IGSF3: variants seen among roughly 807,000 people sequenced by gnomAD.
IGSF3 encodes immunoglobulin superfamily member 3.
IGSF3 carries 23 observed loss-of-function variants against 114.4 expected under a neutral mutation model. The observed-to-expected ratio is 0.20, with a 90% CI of 0.14 to 0.28. IGSF3 has a LOEUF of 0.28. Among genes scored for constraint, IGSF3 ranks in the 10% least tolerant of loss-of-function variants. The pLI is 1.00. For synonymous variants in IGSF3, 571 were observed against 645.2 expected, an observed-to-expected ratio of 0.88 and a Z score of 1.74; for missense variants, 1,172 against 1,591.5, an observed-to-expected ratio of 0.74 and a Z score of 4.48.
In IGSF3 at chr1:116,636,296, T is replaced by C. The variant is rs1339119720; in HGVS notation, c.44-19839A>G. On this transcript the variant is annotated intron_variant, in intron 2 of 10. Transcript: ENST00000369486. This position sits in a 1 kb window ranked among gnomAD's most constrained non-coding sequence, Gnocchi z 4.5. Reference sequence around the variant, plus strand: ...GGCTTGGTTTTCATGCACTCTGAGTTGGCCCTATCTCCCCTTTTTGGCCTC... The same window carrying C: ...GGCTTGGTTTTCATGCACTCTGAGTCGGCCCTATCTCCCCTTTTTGGCCTC... 2.0e-5 allele frequency among the ~76,000 whole-genome samples: 3 copies of C among 152,198 alleles called. No individual in the cohort carries two copies. Among genetic ancestry groups the C allele is most frequent in the African/African-American group, 7.2e-5 (3 of 41,462 alleles).
intron 9 of IGSF3, among the ~76,000 whole-genome samples, chr1:116,580,664 A>G (rs1250760141): frequency 6.6e-6 from 1 of 152,274 alleles, no homozygotes; most frequent in Non-Finnish European, 1.5e-5. Flanking sequence ...CCCTGACCTC[A>G]GACTTCCAGC....
At position 116,577,173 on chromosome 1, in the gene IGSF3, G is replaced by C. The variant is rs1050291220; in HGVS notation, c.*139C>G. 5.4e-6 allele frequency: 5 copies of C among 924,622 alleles called. No homozygotes were observed. In the African/African-American group the frequency reaches 8.4e-5, roughly 16 times the overall value. 57.3% of individuals were successfully genotyped at this position (924,622 alleles called of 1,614,324 possible). A position where few individuals can be genotyped will look rare whatever the true frequency, so the allele number is the denominator to read the frequency against. On this transcript the variant is annotated 3_prime_UTR_variant, in exon 11 of 11. Transcript: ENST00000369486. The surrounding 1 kb of genome is among the most constrained non-coding windows in gnomAD (Gnocchi z 5.7). ...GGCAGTCTGTCTCTGTGACTGACTG[G>C]GAACTTGGAACACTTTTCAAGTCTG... is the stretch of plus-strand genomic sequence containing the variant.
intron 7 of IGSF3, among the ~76,000 whole-genome samples, chr1:116,591,796 A>G (rs542867708): frequency 0.042 from 6,328 of 152,090 alleles, 378 homozygotes; most frequent in African/African-American, 0.15. Flanking sequence ...GGCGGTGTAC[A>G]GCTTGCGTGC....
intron 2 of IGSF3, among the ~76,000 whole-genome samples, chr1:116,643,335 G>C (rs974866503): frequency 6.6e-6 from 1 of 152,124 alleles, no homozygotes; most frequent in Non-Finnish European, 1.5e-5. Context: ...ACTGCCCCAG[G>C]GCTGGTATCC....
chr1:116,626,918 G>C (rs1158922175), intron 2 of IGSF3, among the ~76,000 whole-genome samples: 1 of 152,186 alleles, frequency 6.6e-6, no homozygotes, highest in African/African-American at 2.4e-5. Context: ...CACAGGAATA[G>C]ACACTTTTTT....
Position 116,666,651 on chromosome 1 carries a change from G to GA in IGSF3, c.-326dup, listed in dbSNP as rs780632163. ...AGTGGATTAATCCTCCAGAAGCACG[G>GA]AAAAAAGGGTCTGAGAAAATCCTTT... On this transcript the variant is annotated 5_prime_UTR_variant, in exon 2 of 11. The change abolishes the stop of an existing upstream ORF in the 5' untranslated region. Coordinates refer to ENST00000369486, the MANE Select transcript of IGSF3 (RefSeq NM_001007237.3). 1 of 558,838 alleles carries GA rather than the reference G, an allele frequency of 1.8e-6. No individual in the cohort carries two copies. Among genetic ancestry groups the GA allele is most frequent in the African/African-American group, 1.9e-5 (1 of 52,914 alleles). 34.6% of individuals were successfully genotyped at this position (558,838 alleles called of 1,614,324 possible).
Position 116,577,602 on chromosome 1 carries a change from A to AGAACCTG in IGSF3, c.3335-47_3335-41dup. On this transcript the variant is annotated intron_variant, in intron 10 of 10. Transcript: ENST00000369486. This position sits in a 1 kb window ranked among gnomAD's most constrained non-coding sequence, Gnocchi z 5.7. ...GAGAGAGACAAGACAATGAGGGCTG[A>AGAACCTG]GAACCTGGACTGCTCACATTTCCTT... is the stretch of plus-strand genomic sequence containing the variant. The AGAACCTG allele has an allele frequency of 6.2e-7, 1 of 1,605,102 alleles. No individual in the cohort carries two copies. The highest frequency in any genetic ancestry group is 8.5e-7 in the Non-Finnish European group (1 of 1,175,574).
Position 116,576,250 on chromosome 1 carries a change from G to T in IGSF3, c.*1062C>A. ...GCCCCGTGCCCTCCGTCAGGTGTCT[G>T]CCATGGCTGCTTTGGCCCTGTGCTC... On this transcript the variant is annotated 3_prime_UTR_variant, in exon 11 of 11. Transcript: ENST00000369486. The surrounding 1 kb of genome is among the most constrained non-coding windows in gnomAD (Gnocchi z 4.6). The T allele has an allele frequency of 6.6e-6, 1 of 152,290 alleles. No individual in the cohort carries two copies. Among genetic ancestry groups the T allele is most frequent in the Non-Finnish European group, 1.5e-5 (1 of 68,056 alleles). The allele number at this position is 152,290 out of a possible 1,614,324, so 9.4% of individuals were successfully genotyped here.
At position 116,648,186 on chromosome 1, in the gene IGSF3, A is replaced by C. The variant is rs1378034386; in HGVS notation, c.43+18098T>G. 2.0e-5 allele frequency among the ~76,000 whole-genome samples: 3 copies of C among 152,210 alleles called. No homozygotes were observed. Among genetic ancestry groups the C allele is most frequent in the African/African-American group, 4.8e-5 (2 of 41,438 alleles). ...TCTGATGACACCCCAGTTTTGTAGA[A>C]GAGGAAGGAAAAATAAGAATGTCAA... On this transcript the variant is annotated intron_variant, in intron 2 of 10. Coordinates refer to ENST00000369486, the MANE Select transcript of IGSF3 (RefSeq NM_001007237.3). This position sits in a 1 kb window ranked among gnomAD's most constrained non-coding sequence, Gnocchi z 4.7.
At position 116,588,821 on chromosome 1, in the gene IGSF3, T is replaced by A; in HGVS notation, c.2313A>T (p.Arg771Ser). ...AGCTGCCGCTGTCGCTGACCTCGGC[T>A]CTCTGGACGGTGAGGCTGAACAGGC... ...SGGLFSLTVQ[R>S]AEVSDSGSYY... The change falls in exon 8 of 11, where the codon AGA becomes AGT. Residue 771 changes from arginine to serine, a missense_variant. Physicochemically the swap from Arg to Ser is moderately radical, Grantham distance 110. Around this residue, in one of 3 missense-constraint regions of IGSF3, gnomAD observed 736 missense variants for 1,042.0 expected, o/e 0.71. Transcript: ENST00000369486. The surrounding 1 kb of genome is among the most constrained non-coding windows in gnomAD (Gnocchi z 4.9). The A allele has an allele frequency of 6.2e-7, 1 of 1,614,128 alleles. No individual in the cohort carries two copies. Among genetic ancestry groups the A allele is most frequent in the Non-Finnish European group, 8.5e-7 (1 of 1,180,004 alleles).
At position 116,600,561 on chromosome 1, in the gene IGSF3, CT is replaced by C. The variant is rs200792399; in HGVS notation, c.1625-217del. On this transcript the variant is annotated intron_variant, in intron 6 of 10. Coordinates refer to ENST00000369486, the MANE Select transcript of IGSF3 (RefSeq NM_001007237.3). This position sits in a 1 kb window ranked among gnomAD's most constrained non-coding sequence, Gnocchi z 5.5. ...AAAGAAAGGCCCACCACAATTCCCC[CT>C]GAGCAGCACTAGCCTAACCCTTCCC... Among the ~76,000 whole-genome samples the C allele has an allele frequency of 0.022, 3,369 of 152,274 alleles. 121 individuals carry two copies. Among genetic ancestry groups the C allele is most frequent in the African/African-American group, 0.077 (3,213 of 41,534 alleles).
rs115978772 is a variant in IGSF3 at position 116,651,569 on chromosome 1, C to T, written c.43+14715G>A. 6.7e-3 allele frequency among the ~76,000 whole-genome samples: 1,016 copies of T among 152,304 alleles called. 18 individuals are homozygous for T. The highest frequency in any genetic ancestry group is 0.024 in the African/African-American group (987 of 41,560). On this transcript the variant is annotated intron_variant, in intron 2 of 10. Transcript: ENST00000369486. The surrounding 1 kb of genome is among the most constrained non-coding windows in gnomAD (Gnocchi z 4.4). ...AGAAAACTGTGTTAAATGCAGCCTA[C>T]CATAGGATCGTTGATTACAACATGC...
rs1236971804 is a variant in IGSF3, at chr1:116,638,071, C to T, written c.44-21614G>A. 6.6e-6 allele frequency among the ~76,000 whole-genome samples: 1 copy of T among 152,176 alleles called. No homozygotes were observed. Among genetic ancestry groups the T allele is most frequent in the East Asian group, 1.9e-4 (1 of 5,200 alleles). The stretch of plus-strand genomic sequence containing the variant: ...CTCAATAAACACACCAACTTTGATG[C>T]CAAATCCCATGCCATCCCACACATC... On this transcript the variant is annotated intron_variant, in intron 2 of 10. Transcript: ENST00000369486. The surrounding 1 kb of genome is among the most constrained non-coding windows in gnomAD (Gnocchi z 4.1).
In IGSF3 at chr1:116,600,457, C is replaced by T. The variant is rs1399771545; in HGVS notation, c.1625-112G>A. ...GCAAGCAGTGTGGGACAGAGGCTCT[C>T]GGAGCCCCTTTTGAGCTCTCAGGCT... is the stretch of plus-strand genomic sequence containing the variant. On this transcript the variant is annotated intron_variant, in intron 6 of 10. Coordinates refer to ENST00000369486, the MANE Select transcript of IGSF3 (RefSeq NM_001007237.3). The surrounding 1 kb of genome is among the most constrained non-coding windows in gnomAD (Gnocchi z 5.5). The T allele has an allele frequency of 3.5e-5, 30 of 849,222 alleles. No individual in the cohort carries two copies. Among genetic ancestry groups the T allele is most frequent in the Non-Finnish European group, 3.8e-5 (21 of 549,174 alleles). 52.6% of individuals were successfully genotyped at this position (849,222 alleles called of 1,614,324 possible).
Position 116,647,012 on chromosome 1 carries a change from A to G in IGSF3, c.43+19272T>C, listed in dbSNP as rs1415474349. On this transcript the variant is annotated intron_variant, in intron 2 of 10. Transcript: ENST00000369486. The surrounding 1 kb of genome is among the most constrained non-coding windows in gnomAD (Gnocchi z 4.6). Reference sequence around the variant, plus strand: ...TGAAAGCACCAGGCAAGGAGGCAAAACAAAGGAAATCCTAAAGAGCAGGCG... The same window carrying G: ...TGAAAGCACCAGGCAAGGAGGCAAAGCAAAGGAAATCCTAAAGAGCAGGCG... 1 of 152,472 alleles carries G rather than the reference A, an allele frequency of 6.6e-6. No homozygotes were observed. The highest frequency in any genetic ancestry group is 1.5e-5 in the Non-Finnish European group (1 of 68,200). The allele number at this position is 152,472 out of a possible 1,614,324, so 9.4% of individuals were successfully genotyped here. A position where few individuals can be genotyped will look rare whatever the true frequency, so the allele number is the denominator to read the frequency against.
rs1405344872 is a variant in IGSF3, at chr1:116,632,912, CA to C, written c.44-16456del. Among the ~76,000 whole-genome samples the C allele has an allele frequency of 6.6e-6, 1 of 152,340 alleles. No homozygotes were observed. The highest frequency in any genetic ancestry group is 1.9e-4 in the East Asian group (1 of 5,190). On this transcript the variant is annotated intron_variant, in intron 2 of 10. Coordinates refer to ENST00000369486, the MANE Select transcript of IGSF3 (RefSeq NM_001007237.3). This position sits in a 1 kb window ranked among gnomAD's most constrained non-coding sequence, Gnocchi z 5.1. ...TTACCAAGCATTTGATTTACTTGCT[CA>C]GGCAAAATTCCAGAAGAGACACTGG...
rs1661209570 is a variant in IGSF3 at position 116,616,175 on chromosome 1, T to A, written c.326A>T (p.Asp109Val). The change falls in exon 3 of 11, where the codon GAT becomes GTT. Residue 109 changes from aspartate to valine, a missense_variant. Around this residue, in one of 3 missense-constraint regions of IGSF3, gnomAD observed 736 missense variants for 1,042.0 expected, o/e 0.71. Coordinates refer to ENST00000369486, the MANE Select transcript of IGSF3 (RefSeq NM_001007237.3). This position sits in a 1 kb window ranked among gnomAD's most constrained non-coding sequence, Gnocchi z 6.6. Reference sequence around the variant, plus strand: ...CTCCCCGGCATCCCGGGCCTGAAGATCTGTGATGTGCAATAGGGTTGAGTT... The same window carrying A: ...CTCCCCGGCATCCCGGGCCTGAAGAACTGTGATGTGCAATAGGGTTGAGTT... ...QGNSTLLHITDLQARDAGEYE... is the reference protein window; with the variant it reads ...QGNSTLLHITVLQARDAGEYE... 6.2e-7 allele frequency: 1 copy of A among 1,613,884 alleles called. No individual in the cohort carries two copies. The highest frequency in any genetic ancestry group is 1.7e-5 in the Admixed American group (1 of 59,998).
rs1450121323 is a variant in IGSF3 at position 116,608,154 on chromosome 1, T to C, written c.1010A>G (p.Asn337Ser). Reference protein sequence around the residue: ...TMGPNAVPVLNSEFAHREARG... With the variant: ...TMGPNAVPVLSSEFAHREARG... ...GGCTTCCCGGTGAGCAAATTCGCTG[T>C]TGAGGACAGGCACAGCGTTAGGACC... Residue 337 changes from asparagine to serine, a missense_variant, in exon 5 of 11, where the codon AAC becomes AGC. Asn to Ser is a conservative substitution (Grantham distance 46). This residue lies in a region of IGSF3 where 736 missense variants were observed against 1,042.0 expected (regional missense o/e 0.71). Transcript: ENST00000369486. 6.2e-7 allele frequency: 1 copy of C among 1,613,668 alleles called. No individual in the cohort carries two copies. The highest frequency in any genetic ancestry group is 1.7e-5 in the Admixed American group (1 of 60,022).
intron 8 of IGSF3, among the ~76,000 whole-genome samples, chr1:116,587,883 G>T (rs1377642706): frequency 1.3e-5 from 2 of 152,188 alleles, no homozygotes; most frequent in South Asian, 2.1e-4. Flanking sequence ...CGAATTGCAG[G>T]GATGTGAGAA....
Sources: gnomAD v4.1 joint callset for allele counts (sites outside exome capture counted in the v4.1 genomes callset) on GRCh38, gnomAD v4.1.1 for gene constraint, gnomAD v4.1.1 regional missense constraint, Gnocchi (gnomAD v3.1) non-coding constraint, MANE v1.5 for transcripts, NCBI Gene and HGNC (gene_info 2026-07-23, HGNC 2026-07-21) for gene names.